Variants in FAM193A observed in about 807,000 individuals in gnomAD.
FAM193A encodes family with sequence similarity 193 member A.
FAM193A carries 22 observed loss-of-function variants against 126.5 expected under a neutral mutation model. The ratio of observed to expected loss-of-function variants is 0.17; its 90% confidence interval spans 0.12 to 0.25. FAM193A has a LOEUF of 0.25. Among genes scored for constraint, FAM193A ranks in the 10% least tolerant of loss-of-function variants. The pLI, the probability that FAM193A is intolerant of heterozygous loss-of-function variation, is 1.00. For missense variants in FAM193A, 1,675 were observed against 1,672.8 expected, an observed-to-expected ratio of 1.00 and a Z score of -0.02; for synonymous variants, 761 against 646.8, an observed-to-expected ratio of 1.18 and a Z score of -2.68.
At position 2,693,644 on chromosome 4, in the gene FAM193A, G is replaced by A. The variant is rs781415942; in HGVS notation, c.2862G>A (p.Pro954=). 1.2e-5 allele frequency: 19 copies of A among 1,614,130 alleles called. No homozygotes were observed. The highest frequency in any genetic ancestry group is 1.4e-5 in the Non-Finnish European group (16 of 1,180,010). The change falls in exon 16 of 21, where the codon CCG becomes CCA. Residue 954 remains proline, a synonymous_variant. Coordinates refer to ENST00000637812, the MANE Select transcript of FAM193A (RefSeq NM_001366318.2). ...ACAGACACTCGGCCCCAGCCGCCCC[G>A]AGGAATAGCCCCACGGGCTTGGCCC... ...EDHRHSAPAA[P]RNSPTGLAPL...
chr4:2,587,346 C>T (rs1328834240), intron 1 of FAM193A, among the ~76,000 whole-genome samples: 1 of 152,200 alleles, frequency 6.6e-6, no homozygotes, highest in Non-Finnish European at 1.5e-5. Context: ...GGAAAGACAG[C>T]ACCAAGCCAT....
intron 1 of FAM193A, among the ~76,000 whole-genome samples, chr4:2,577,579 C>T (rs1384648406): frequency 5.9e-5 from 9 of 151,802 alleles, no homozygotes; most frequent in Non-Finnish European, 7.4e-5. Flanking sequence ...CCACCACACC[C>T]GGCTAATTTT....
intron 1 of FAM193A, among the ~76,000 whole-genome samples, chr4:2,552,612 A>G (rs1311438631): frequency 6.6e-6 from 1 of 151,514 alleles, no homozygotes; most frequent in African/African-American, 2.4e-5. Flanking sequence ...ATTTCTGCTC[A>G]CTGCAAGCTC....
At chr4:2,641,869 T>G (rs947183641) in intron 6 of FAM193A, among the ~76,000 whole-genome samples, 21 of 151,830 alleles carry the variant, frequency 1.4e-4, no homozygotes, top group Non-Finnish European at 2.2e-4. Flanking sequence ...CTTGGGAGGC[T>G]GAGGCAGGAG....
intron 1 of FAM193A, among the ~76,000 whole-genome samples, chr4:2,551,856 T>C (rs541146238): frequency 6.6e-6 from 1 of 152,090 alleles, no homozygotes; most frequent in Non-Finnish European, 1.5e-5. Context: ...TATTTTATTT[T>C]AAGAGGCAGG....
intron 1 of FAM193A, among the ~76,000 whole-genome samples, chr4:2,555,375 AGGC>A: frequency 6.6e-6 from 1 of 152,178 alleles, no homozygotes; most frequent in East Asian, 1.9e-4. Flanking sequence ...ATAATTTGGG[AGGC>A]TAGAGGTAAA....
At chr4:2,547,608 G>C (rs1737645801) in intron 1 of FAM193A, among the ~76,000 whole-genome samples, 1 of 150,108 alleles carries the variant, frequency 6.7e-6, no homozygotes, top group African/African-American at 2.4e-5. Flanking sequence ...GTGTGTCTGT[G>C]TGTGTGTGTG....
intron 7 of FAM193A, among the ~76,000 whole-genome samples, chr4:2,653,116 C>T (rs188948319): frequency 6.6e-6 from 1 of 152,220 alleles, no homozygotes; most frequent in African/African-American, 2.4e-5. Context: ...TTCAGAGATT[C>T]ATTTCTCCAA....
At chr4:2,553,324 ACATAG>A (rs1279253329) in intron 1 of FAM193A, among the ~76,000 whole-genome samples, 2 of 151,810 alleles carry the variant, frequency 1.3e-5, no homozygotes, top group Non-Finnish European at 2.9e-5. Context: ...AGCTAGGTCC[ACATAG>A]CAAGATCCCG....
intron 1 of FAM193A, among the ~76,000 whole-genome samples, chr4:2,566,173 G>C (rs770618669): frequency 6.6e-6 from 1 of 151,778 alleles, no homozygotes; most frequent in Non-Finnish European, 1.5e-5. Flanking sequence ...TCAACCTGAC[G>C]AGTAGCTGGG....
chr4:2,569,287 G>C (rs1040336312), intron 1 of FAM193A, among the ~76,000 whole-genome samples: 1 of 152,040 alleles, frequency 6.6e-6, no homozygotes. Flanking sequence ...TGTAGAGCCA[G>C]CTGATCGGAA....
intron 5 of FAM193A, among the ~76,000 whole-genome samples, chr4:2,639,139 A>C (rs996056490): frequency 6.6e-6 from 1 of 152,182 alleles, no homozygotes; most frequent in African/African-American, 2.4e-5. Context: ...CTTGCTGTAC[A>C]TCTCTGCTGA....
intron 20 of FAM193A, among the ~76,000 whole-genome samples, chr4:2,729,932 T>A (rs1173124403): frequency 1.3e-5 from 2 of 151,122 alleles, no homozygotes; most frequent in African/African-American, 4.9e-5. Flanking sequence ...TTGAGACGGG[T>A]CTCACCTTTG....
intron 20 of FAM193A, among the ~76,000 whole-genome samples, chr4:2,718,588 A>G (rs1255180183): frequency 1.3e-5 from 2 of 152,024 alleles, no homozygotes; most frequent in Non-Finnish European, 2.9e-5. Context: ...TAAGCCAGAT[A>G]TGGTGGCATG....
chr4:2,654,589 A>T (rs79413820), intron 7 of FAM193A: 1 of 151,990 alleles, frequency 6.6e-6, no homozygotes, highest in African/African-American at 2.4e-5. Flanking sequence ...GAGTCAAGGA[A>T]GAGGTTTTTA....
chr4:2,702,969 C>CT lies in FAM193A; in HGVS notation c.4372+2434dup, dbSNP rs896625061. ...TTGTTTTCTCCCCTACCCAGTTCCT[C>CT]TTTTTTTTTAATCTGTTCCCACCCA... On this transcript the variant is annotated intron_variant, in intron 19 of 20. Coordinates refer to ENST00000637812, the MANE Select transcript of FAM193A (RefSeq NM_001366318.2). Among the ~76,000 whole-genome samples, 5 of 151,368 alleles carry CT rather than the reference C, an allele frequency of 3.3e-5. No individual in the cohort carries two copies. In the South Asian group the frequency reaches 8.4e-4, roughly 25 times the overall value.
intron 7 of FAM193A, among the ~76,000 whole-genome samples, chr4:2,653,735 C>G (rs1745899204): frequency 6.6e-6 from 1 of 152,242 alleles, no homozygotes; most frequent in African/African-American, 2.4e-5. Flanking sequence ...AGCCACCATG[C>G]CCAGCCAGGA....
At chr4:2,538,066 A>AT (rs537816152) in intron 1 of FAM193A, among the ~76,000 whole-genome samples, 4 of 151,958 alleles carry the variant, frequency 2.6e-5, no homozygotes, top group Middle Eastern at 3.4e-3. Context: ...AAGAGAATAG[A>AT]TTTTTTTTGA....
chr4:2,583,751 G>A (rs554974501), intron 1 of FAM193A, among the ~76,000 whole-genome samples: 127 of 152,136 alleles, frequency 8.3e-4, no homozygotes, highest in Non-Finnish European at 1.6e-3. Context: ...TCTACCCCAG[G>A]TGAGTGTATT....
Sources: gnomAD v4.1 joint callset for allele counts (sites outside exome capture counted in the v4.1 genomes callset) on GRCh38, gnomAD v4.1.1 for gene constraint, MANE v1.5 for transcripts, NCBI Gene and HGNC (gene_info 2026-07-23, HGNC 2026-07-21) for gene names.